DNAAF9: variants seen among roughly 807,000 people sequenced by gnomAD.
DNAAF9 encodes the protein dynein axonemal assembly factor 9.
A neutral mutation model predicts 167.0 loss-of-function variants in DNAAF9; 90 were observed. That is an observed-to-expected ratio of 0.54 (90% CI 0.45 to 0.64). DNAAF9 has a LOEUF of 0.64. DNAAF9 is among the 30% of genes least tolerant of loss of function. The probability of loss-of-function intolerance (pLI) is 0.00; values close to 1 mark genes in which losing one functional copy is unlikely to be tolerated. For missense variants in DNAAF9, 1,315 were observed against 1,442.2 expected, an observed-to-expected ratio of 0.91 and a Z score of 1.43; for synonymous variants, 491 against 508.8, an observed-to-expected ratio of 0.96 and a Z score of 0.47.
At chr20:3,373,421 A>G (rs936252923) in intron 6 of DNAAF9, among the ~76,000 whole-genome samples, 1 of 152,154 alleles carries the variant, frequency 6.6e-6, no homozygotes, top group African/African-American at 2.4e-5. Flanking sequence ...CATTTTCCTT[A>G]ATCTGTACTC....
intron 8 of DNAAF9, among the ~76,000 whole-genome samples, chr20:3,344,185 T>G (rs569786812): frequency 3.9e-5 from 6 of 152,298 alleles, no homozygotes; most frequent in African/African-American, 1.4e-4. Context: ...CAAATTCTGC[T>G]GTGCTAATCC....
chr20:3,366,222 C>A (rs1164389646), intron 6 of DNAAF9, among the ~76,000 whole-genome samples: 1 of 152,090 alleles, frequency 6.6e-6, no homozygotes, highest in East Asian at 1.9e-4. Flanking sequence ...AAATAATAAG[C>A]CTTGAAAGTC....
intron 9 of DNAAF9, among the ~76,000 whole-genome samples, chr20:3,342,327 A>G (rs755079812): frequency 6.6e-6 from 1 of 152,188 alleles, no homozygotes; most frequent in Non-Finnish European, 1.5e-5. Context: ...GCTTCAAAGT[A>G]CTATGCTCTT....
chr20:3,376,930 G>A (rs1253071766), intron 3 of DNAAF9, among the ~76,000 whole-genome samples: 2 of 152,136 alleles, frequency 1.3e-5, no homozygotes, highest in African/African-American at 4.8e-5. Flanking sequence ...TTAGCCGGGT[G>A]TGGTGGCGCG....
chr20:3,294,127 G>A lies in DNAAF9; in HGVS notation c.2238+12C>T, dbSNP rs185379651. ...CCTGTGAATTCCCAGCATATCTGGT[G>A]AGCTCCTCTACCTTGTCACTTTCTA... On this transcript the variant is annotated intron_variant, in intron 25 of 36. Transcript: ENST00000252032. 5.3e-3 allele frequency: 7,394 copies of A among 1,390,614 alleles called. 47 individuals are homozygous for A. Among genetic ancestry groups the A allele is most frequent in the South Asian group, 0.013 (1,145 of 86,310 alleles). The allele number at this position is 1,390,614 out of a possible 1,614,324, so 86.1% of individuals were successfully genotyped here.
rs1766133910 is a variant in DNAAF9 at position 3,304,646 on chromosome 20, G to C, written c.1679-103C>G. 9.0e-6 allele frequency: 6 copies of C among 663,826 alleles called. No individual in the cohort carries two copies. In the South Asian group the frequency reaches 1.1e-4, roughly 12 times the overall value. The allele number at this position is 663,826 out of a possible 1,614,324, so 41.1% of individuals were successfully genotyped here. A position where few individuals can be genotyped will look rare whatever the true frequency, so the allele number is the denominator to read the frequency against. ...GTGTGGTAACTAGAGGCCAGTATCA[G>C]TAGCAATTACGTTATGCGATTTGTA... On this transcript the variant is annotated intron_variant, in intron 20 of 36. Transcript: ENST00000252032.
chr20:3,294,020 G>C, intron 25 of DNAAF9, 119 bp downstream of exon 25: 2 of 675,266 alleles, frequency 3.0e-6, no homozygotes, highest in South Asian at 1.7e-5. Context: ...AGGAAGTGGA[G>C]AGTCCTGTAA....
chr20:3,250,557 G>A lies in DNAAF9; in HGVS notation c.*2015C>T, dbSNP rs1236503767. 1 of 152,234 alleles carries A rather than the reference G, an allele frequency of 6.6e-6. No homozygotes were observed. The highest frequency in any genetic ancestry group is 2.1e-4 in the South Asian group (1 of 4,832). The allele number at this position is 152,234 out of a possible 1,614,324, so 9.4% of individuals were successfully genotyped here. Reference sequence around the variant, plus strand: ...AATCACAGTTTTTTCTCTAAGAGGAGAGGAGTTGGGACAGTGGGGCAAGTT... The same window carrying A: ...AATCACAGTTTTTTCTCTAAGAGGAAAGGAGTTGGGACAGTGGGGCAAGTT... On this transcript the variant is annotated 3_prime_UTR_variant, in exon 37 of 37. Coordinates refer to ENST00000252032, the MANE Select transcript of DNAAF9 (RefSeq NM_001009984.3).
rs2068176021 is a variant in DNAAF9, at chr20:3,250,200, TG to T, written c.*2371del. ...AAAAGCAGTGTCATGGCCATTCCTTTGGAAACAGCAGAAGACCCTGCTCCTC... is the reference window on the plus strand; with the variant it reads ...AAAAGCAGTGTCATGGCCATTCCTTTGAAACAGCAGAAGACCCTGCTCCTC... On this transcript the variant is annotated 3_prime_UTR_variant, in exon 37 of 37. Coordinates refer to ENST00000252032, the MANE Select transcript of DNAAF9 (RefSeq NM_001009984.3). The T allele has an allele frequency of 6.6e-6, 1 of 152,200 alleles. No homozygotes were observed. The highest frequency in any genetic ancestry group is 2.4e-5 in the African/African-American group (1 of 41,442). The allele number at this position is 152,200 out of a possible 1,614,324, so 9.4% of individuals were successfully genotyped here.
chr20:3,329,794 G>A (rs2069787009), intron 12 of DNAAF9, among the ~76,000 whole-genome samples: 5 of 152,166 alleles, frequency 3.3e-5, no homozygotes, highest in African/African-American at 7.2e-5. Context: ...ATTGCTGAAG[G>A]ACAATGCTTT....
At chr20:3,351,157 C>G (rs2070315464) in intron 7 of DNAAF9, among the ~76,000 whole-genome samples, 2 of 152,108 alleles carry the variant, frequency 1.3e-5, no homozygotes, top group Admixed American at 6.5e-5. Flanking sequence ...AAACAGGAGA[C>G]AGGGGAAAAT....
chr20:3,349,471 TGGTACCATGTCCAGTGCCAAAAG>T (rs1300768054), intron 7 of DNAAF9, among the ~76,000 whole-genome samples: 1 of 152,186 alleles, frequency 6.6e-6, no homozygotes, highest in Non-Finnish European at 1.5e-5. Flanking sequence ...ACCTAAAGGA[TGGTACCATGTCCAGTGCCAAAAG>T]GGTCACATCT....
chr20:3,263,211 T>G (rs1473885549), intron 31 of DNAAF9, among the ~76,000 whole-genome samples: 1 of 152,114 alleles, frequency 6.6e-6, no homozygotes, highest in African/African-American at 2.4e-5. Flanking sequence ...TCTGACCTTG[T>G]GATCTGCCCG....
At chr20:3,277,235 T>C (rs114687706) in intron 29 of DNAAF9, among the ~76,000 whole-genome samples, 10,029 of 152,222 alleles carry the variant, frequency 0.066, 401 homozygotes, top group Non-Finnish European at 0.082. Flanking sequence ...TCCTTCTCAC[T>C]TACAGAGCCA....
At chr20:3,330,410 T>C (rs1403170313) in intron 12 of DNAAF9, among the ~76,000 whole-genome samples, 1 of 151,936 alleles carries the variant, frequency 6.6e-6, no homozygotes, top group African/African-American at 2.4e-5. Flanking sequence ...GCCTGGCTAA[T>C]TTTTTATTTT....
chr20:3,322,763 T>G, intron 14 of DNAAF9, 67 bp from the exon 15 acceptor site: 1 of 1,159,992 alleles, frequency 8.6e-7, no homozygotes. Flanking sequence ...CTGTGCAGGG[T>G]ACCTGCTTGG....
intron 6 of DNAAF9, among the ~76,000 whole-genome samples, chr20:3,370,036 T>C (rs2083487397): frequency 1.3e-5 from 2 of 152,226 alleles, no homozygotes; most frequent in Non-Finnish European, 2.9e-5. Context: ...CTGGTGATCT[T>C]TGGCTTCCTA....
chr20:3,365,924 G>C (rs2083427646), intron 6 of DNAAF9, among the ~76,000 whole-genome samples: 1 of 152,144 alleles, frequency 6.6e-6, no homozygotes, highest in Admixed American at 6.5e-5. Flanking sequence ...TAAGATTGCA[G>C]CAAGTCAGTC....
intron 1 of DNAAF9, among the ~76,000 whole-genome samples, chr20:3,406,813 G>A (rs949912368): frequency 6.6e-6 from 1 of 152,058 alleles, no homozygotes; most frequent in Non-Finnish European, 1.5e-5. Context: ...CCCAACCCGA[G>A]CTCCCTATTG....
Sources: gnomAD v4.1 joint callset for allele counts (sites outside exome capture counted in the v4.1 genomes callset) on GRCh38, gnomAD v4.1.1 for gene constraint, MANE v1.5 for transcripts, NCBI Gene and HGNC (gene_info 2026-07-23, HGNC 2026-07-21) for gene names.